The following VPS50 variants were observed in gnomAD, a reference collection of about 807,000 sequenced individuals.
The protein encoded by VPS50 is syndetin.
VPS50 carries 70 observed loss-of-function variants against 139.7 expected under a neutral mutation model. The ratio of observed to expected loss-of-function variants is 0.50; its 90% CI spans 0.41 to 0.61. The LOEUF is 0.61. Ranked by LOEUF, VPS50 falls within the 20% of genes least tolerant of loss-of-function variation. The pLI, the probability that VPS50 is intolerant of heterozygous loss-of-function variation, is 0.00. For missense variants in VPS50, 921 were observed against 1,133.7 expected, an observed-to-expected ratio of 0.81 and a Z score of 2.69; for synonymous variants, 365 against 376.7, an observed-to-expected ratio of 0.97 and a Z score of 0.36.
chr7:93,333,467 A>G (rs1420875597), intron 21 of VPS50, among the ~76,000 whole-genome samples: 1 of 152,188 alleles, frequency 6.6e-6, no homozygotes, highest in Non-Finnish European at 1.5e-5. Context: ...TTAACTATGT[A>G]TGATTACCTC....
At position 93,296,834 on chromosome 7, in the gene VPS50, C is replaced by T. The variant is rs1190072366; in HGVS notation, c.1260C>T (p.Ser420=). The change falls in exon 15 of 28, where the codon AGC becomes AGT. Residue 420 remains serine, a splice_region_variant and synonymous_variant. Transcript: ENST00000305866. Reference sequence around the variant, plus strand: ...TCATCTTTGTTTTGGATATAATCAGCAGGTAGTATTTAAGATCTTGTCTTA... The same window carrying T: ...TCATCTTTGTTTTGGATATAATCAGTAGGTAGTATTTAAGATCTTGTCTTA... ...DDFIFVLDII[S]RLMQVGEEFC... is the part of the protein sequence containing the mutation. The T allele has an allele frequency of 6.3e-7, 1 of 1,595,022 alleles. No individual in the cohort carries two copies. Among genetic ancestry groups the T allele is most frequent in the East Asian group, 2.2e-5 (1 of 44,450 alleles).
At position 93,339,311 on chromosome 7, in the gene VPS50, T is replaced by C. The variant is rs189044533; in HGVS notation, c.2059-2116T>C. Among the ~76,000 whole-genome samples, 20 of 148,946 alleles carry C rather than the reference T, an allele frequency of 1.3e-4. No homozygotes were observed. The East Asian group carries it at 3.8e-3, about 28-fold the overall frequency. On this transcript the variant is annotated intron_variant, in intron 22 of 27. Transcript: ENST00000305866. ...TTAGAGATTGAAAAGAGACACTGTCTTTAGGAGAAGATAGGAAATAAAAAA... is the reference window on the plus strand; with the variant it reads ...TTAGAGATTGAAAAGAGACACTGTCCTTAGGAGAAGATAGGAAATAAAAAA...
At chr7:93,253,742 G>C in intron 3 of VPS50, 118 bp from the exon 4 acceptor site, 1 of 569,886 alleles carries the variant, frequency 1.8e-6, no homozygotes, top group South Asian at 2.7e-5. Flanking sequence ...GAGGGCAGTG[G>C]GATGTGACAC....
At chr7:93,305,441 AAG>A (rs1797087863) in intron 17 of VPS50, among the ~76,000 whole-genome samples, 1 of 151,834 alleles carries the variant, frequency 6.6e-6, no homozygotes, top group South Asian at 2.1e-4. Flanking sequence ...GCATATGAAA[AAG>A]AGAAGTGTTT....
chr7:93,271,277 A>G lies in VPS50; in HGVS notation c.702+15A>G. 6.5e-7 allele frequency: 1 copy of G among 1,537,698 alleles called. No homozygotes were observed. Among genetic ancestry groups the G allele is most frequent in the Non-Finnish European group, 8.7e-7 (1 of 1,151,540 alleles). On this transcript the variant is annotated intron_variant, in intron 10 of 27. Coordinates refer to ENST00000305866, the MANE Select transcript of VPS50 (RefSeq NM_017667.4). Reference sequence around the variant, plus strand: ...AACAGATTGAGGTAAGAAGTATTATATCCTAACCTTAATGAGTTTTTCTTT... The same window carrying G: ...AACAGATTGAGGTAAGAAGTATTATGTCCTAACCTTAATGAGTTTTTCTTT...
intron 12 of VPS50, among the ~76,000 whole-genome samples, chr7:93,278,455 G>A (rs888646171): frequency 1.3e-5 from 2 of 150,552 alleles, no homozygotes; most frequent in East Asian, 3.9e-4. Flanking sequence ...ATATTAGCTG[G>A]GTGTAGTGGC....
intron 6 of VPS50, 76 bp downstream of exon 6, chr7:93,257,540 ATTGATTTT>A (rs1562854055): frequency 4.8e-6 from 4 of 825,952 alleles, no homozygotes; most frequent in Non-Finnish European, 7.7e-6. Flanking sequence ...ATAATTTATA[ATTGATTTT>A]TTAAATTATG....
chr7:93,305,944 A>C lies in VPS50; in HGVS notation c.1569A>C (p.Pro523=). Residue 523 remains proline, a synonymous_variant, in exon 18 of 28, where the codon CCA becomes CCC. Transcript: ENST00000305866. The part of the protein sequence containing the change: ...LFEQYCSGGN[P]FEIQANHKDE... The stretch of plus-strand genomic sequence containing the variant: ...AGCAGTACTGTAGTGGTGGGAATCC[A>C]TTTGAAATTCAGGCCAACCACAAAG... The C allele has an allele frequency of 6.2e-7, 1 of 1,612,652 alleles. No individual in the cohort carries two copies. The highest frequency in any genetic ancestry group is 8.5e-7 in the Non-Finnish European group (1 of 1,178,858).
intron 1 of VPS50, among the ~76,000 whole-genome samples, chr7:93,237,150 GT>G (rs1794833545): frequency 1.3e-5 from 2 of 150,492 alleles, no homozygotes; most frequent in South Asian, 4.2e-4. Flanking sequence ...TAGAGACGGG[GT>G]TTCACTGTGT....
At chr7:93,250,085 C>T (rs1034449133) in intron 2 of VPS50, among the ~76,000 whole-genome samples, 2 of 151,840 alleles carry the variant, frequency 1.3e-5, no homozygotes, top group South Asian at 2.1e-4. Context: ...CTTTTTTTCT[C>T]GGTGTATTTT....
chr7:93,312,756 T>G (rs1021430134), intron 20 of VPS50, among the ~76,000 whole-genome samples: 3 of 152,072 alleles, frequency 2.0e-5, no homozygotes, highest in Non-Finnish European at 2.9e-5. Flanking sequence ...GTGGTGGTAG[T>G]TATCGTGCTT....
At chr7:93,234,174 A>G (rs1250128317) in intron 1 of VPS50, among the ~76,000 whole-genome samples, 1 of 152,228 alleles carries the variant, frequency 6.6e-6, no homozygotes, top group Non-Finnish European at 1.5e-5. Context: ...GTTGCCTGCC[A>G]TACAGTTCAG....
At chr7:93,287,239 G>T (rs1360254735) in intron 12 of VPS50, among the ~76,000 whole-genome samples, 1 of 151,940 alleles carries the variant, frequency 6.6e-6, no homozygotes, top group African/African-American at 2.4e-5. Context: ...CAGTGGTTTA[G>T]CTAGATCTCT....
At chr7:93,354,291 T>C (rs938968487) in intron 26 of VPS50, among the ~76,000 whole-genome samples, 14 of 116,430 alleles carry the variant, frequency 1.2e-4, no homozygotes, top group Non-Finnish European at 2.1e-4. Context: ...TTTTCTTTTC[T>C]TTTCTTTCTT....
chr7:93,340,065 C>T (rs895206958), intron 22 of VPS50, among the ~76,000 whole-genome samples: 4 of 152,094 alleles, frequency 2.6e-5, no homozygotes, highest in Non-Finnish European at 1.5e-5. Context: ...TCTTAATGGC[C>T]TTCACAGTGA....
intron 12 of VPS50, among the ~76,000 whole-genome samples, chr7:93,287,394 C>G (rs17783483): frequency 4.0e-5 from 6 of 150,428 alleles, no homozygotes; most frequent in Admixed American, 6.6e-5. Flanking sequence ...TCAGCAAATC[C>G]TCAAGAGATA....
At chr7:93,253,457 G>A (rs1192050797) in intron 3 of VPS50, among the ~76,000 whole-genome samples, 2 of 152,154 alleles carry the variant, frequency 1.3e-5, no homozygotes, top group Non-Finnish European at 2.9e-5. Context: ...TCTGTTTTGA[G>A]TTCTATCATA....
At chr7:93,238,130 A>G (rs1794873373) in intron 1 of VPS50, among the ~76,000 whole-genome samples, 1 of 152,202 alleles carries the variant, frequency 6.6e-6, no homozygotes, top group Non-Finnish European at 1.5e-5. Flanking sequence ...TATAATGTAT[A>G]TAGAAGTGTA....
At chr7:93,239,298 A>G (rs1488313043) in intron 1 of VPS50, among the ~76,000 whole-genome samples, 1 of 152,192 alleles carries the variant, frequency 6.6e-6, no homozygotes, top group African/African-American at 2.4e-5. Context: ...CCCTCAGTTG[A>G]TGTGAATATA....
Sources: allele counts gnomAD v4.1 joint callset (sites outside exome capture counted in the v4.1 genomes callset), GRCh38; gene constraint gnomAD v4.1.1; transcripts MANE v1.5; gene names NCBI Gene and HGNC (gene_info 2026-07-23, HGNC 2026-07-21).